Variants in POLR2H observed in about 807,000 individuals in gnomAD.
POLR2H encodes DNA-directed RNA polymerases I, II, and III subunit RPABC3.
POLR2H carries 3 observed loss-of-function variants against 18.1 expected under a neutral mutation model. That is an observed-to-expected ratio of 0.17 (90% CI 0.08 to 0.43). The LOEUF is 0.43. Among genes scored for constraint, POLR2H ranks in the 20% least tolerant of loss-of-function variants. The pLI is 0.99. For missense variants in POLR2H, 103 were observed against 184.6 expected, an observed-to-expected ratio of 0.56 and a Z score of 2.56; for synonymous variants, 76 against 69.0, an observed-to-expected ratio of 1.10 and a Z score of -0.50.
In POLR2H at chr3:184,362,166, C is replaced by A. The variant is rs1417649504; in HGVS notation, c.-621+20C>A. On this transcript the variant is annotated intron_variant, in intron 1 of 5. Transcript: ENST00000456318. The surrounding 1 kb of genome is among the most constrained non-coding windows in gnomAD (Gnocchi z 5.9). ...CCGTGGGTAGGTGCACTTGGAGCAA[C>A]CGGGCCTGCGGGGTGTGCGGGGGTG... 6.6e-6 allele frequency: 1 copy of A among 152,296 alleles called. No individual in the cohort carries two copies. The highest frequency in any genetic ancestry group is 2.4e-5 in the African/African-American group (1 of 41,460). 9.4% of individuals were successfully genotyped at this position (152,296 alleles called of 1,614,324 possible).
chr3:184,365,427 G>A (rs1414602921), intron 4 of POLR2H: 17 of 590,988 alleles, frequency 2.9e-5, no homozygotes, highest in Admixed American at 1.8e-4. Context: ...TTGGGAGGCC[G>A]AGGCAGGAGG....
At position 184,363,410 on chromosome 3, in the gene POLR2H, G is replaced by A. The variant is rs1395118152; in HGVS notation, c.-83G>A. On this transcript the variant is annotated 5_prime_UTR_variant, in exon 2 of 6. Coordinates refer to ENST00000456318, the MANE Select transcript of POLR2H (RefSeq NM_006232.5). Reference sequence around the variant, plus strand: ...CAGGAGGTGCTTTTGGTTCTCTCCGGTCTTGTCCACGCTAGGGGGTGCACG... The same window carrying A: ...CAGGAGGTGCTTTTGGTTCTCTCCGATCTTGTCCACGCTAGGGGGTGCACG... The A allele has an allele frequency of 8.5e-7, 1 of 1,177,546 alleles. No homozygotes were observed. The highest frequency in any genetic ancestry group is 1.9e-4 in the Middle Eastern group (1 of 5,246). The allele number at this position is 1,177,546 out of a possible 1,614,324, so 72.9% of individuals were successfully genotyped here.
chr3:184,366,381 A>G (rs1490015934), intron 4 of POLR2H: 1 of 149,994 alleles, frequency 6.7e-6, no homozygotes, highest in African/African-American at 2.7e-5. Flanking sequence ...TCTGTGGCCC[A>G]GGCTGGAGTG....
intron 4 of POLR2H, among the ~76,000 whole-genome samples, chr3:184,365,739 C>T (rs1183114960): frequency 3.3e-5 from 5 of 151,554 alleles, no homozygotes; most frequent in Non-Finnish European, 4.4e-5. Flanking sequence ...TTTGGGAGGC[C>T]GAGGCGGGCG....
intron 4 of POLR2H, 188 bp from the exon 5 acceptor site, chr3:184,366,529 G>A: frequency 2.5e-6 from 1 of 400,754 alleles, no homozygotes; most frequent in South Asian, 2.6e-5. Context: ...TAGTAGAGAT[G>A]GGGTTTCACT....
chr3:184,363,357 C>A lies in POLR2H; in HGVS notation c.-136C>A, dbSNP rs537110374. 2.8e-6 allele frequency: 2 copies of A among 722,934 alleles called. No homozygotes were observed. Among genetic ancestry groups the A allele is most frequent in the East Asian group, 2.7e-5 (1 of 37,462 alleles). 44.8% of individuals were successfully genotyped at this position (722,934 alleles called of 1,614,324 possible). On this transcript the variant is annotated 5_prime_UTR_variant, in exon 2 of 6. Coordinates refer to ENST00000456318, the MANE Select transcript of POLR2H (RefSeq NM_006232.5). ...GCGTTACCGCTTGTTTGTGCGCATGCGCCACTCTCGTCTGGCCGCCGCGCT... is the reference window on the plus strand; with the variant it reads ...GCGTTACCGCTTGTTTGTGCGCATGAGCCACTCTCGTCTGGCCGCCGCGCT...
rs1345086156 is a variant in POLR2H at position 184,368,365 on chromosome 3, C to T, written c.*71C>T. On this transcript the variant is annotated 3_prime_UTR_variant, in exon 6 of 6. Coordinates refer to ENST00000456318, the MANE Select transcript of POLR2H (RefSeq NM_006232.5). ...GCATTGTTCAAGCCTGAGTGGCAGC[C>T]GCTCTTGCTCACCTGTTGAGGAAGG... 1.5e-5 allele frequency: 20 copies of T among 1,296,956 alleles called. No individual in the cohort carries two copies. Among genetic ancestry groups the T allele is most frequent in the South Asian group, 1.0e-4 (7 of 67,406 alleles). The allele number at this position is 1,296,956 out of a possible 1,614,324, so 80.3% of individuals were successfully genotyped here. A position where few individuals can be genotyped will look rare whatever the true frequency, so the allele number is the denominator to read the frequency against.
intron 4 of POLR2H, among the ~76,000 whole-genome samples, chr3:184,366,044 G>C (rs1652471421): frequency 6.6e-6 from 1 of 151,998 alleles, no homozygotes; most frequent in East Asian, 1.9e-4. Flanking sequence ...TTACATGCTT[G>C]TGAGTTGCAG....
At chr3:184,366,626 C>A (rs1713347030) in intron 4 of POLR2H, 91 bp from the exon 5 acceptor site, 1 of 761,358 alleles carries the variant, frequency 1.3e-6, no homozygotes, top group Non-Finnish European at 2.3e-6. Flanking sequence ...GCTTGAGCCA[C>A]CACGCCCGGC....
At chr3:184,366,833 C>T (rs1174545428) in intron 5 of POLR2H, 33 bp downstream of exon 5, 1 of 1,273,708 alleles carries the variant, frequency 7.9e-7, no homozygotes. Context: ...GATTCTTTTC[C>T]TCTTCCATGT....
chr3:184,365,837 G>A (rs867493278), intron 4 of POLR2H, among the ~76,000 whole-genome samples: 1 of 150,436 alleles, frequency 6.6e-6, no homozygotes, highest in Non-Finnish European at 1.5e-5. Flanking sequence ...TTAGCCGGGC[G>A]TAGTGGCGGG....
At chr3:184,365,952 G>A (rs1474652455) in intron 4 of POLR2H, among the ~76,000 whole-genome samples, 2 of 149,164 alleles carry the variant, frequency 1.3e-5, no homozygotes, top group Non-Finnish European at 3.0e-5. Flanking sequence ...CTCCAGCCTG[G>A]GCGACAGAGC....
At chr3:184,366,867 T>C in intron 5 of POLR2H, 67 bp downstream of exon 5, 2 of 952,920 alleles carry the variant, frequency 2.1e-6, no homozygotes, top group Non-Finnish European at 3.4e-6. Flanking sequence ...GCTATGCTCC[T>C]GCTTCCTCTG....
intron 5 of POLR2H, among the ~76,000 whole-genome samples, chr3:184,367,492 CT>C (rs202193300): frequency 5.4e-4 from 77 of 142,982 alleles, no homozygotes; most frequent in Middle Eastern, 3.6e-3. Context: ...CTTTTCTTTT[CT>C]TTTTTTTTTT....
At chr3:184,364,485 C>A (rs1295066157) in intron 2 of POLR2H, 1 of 153,428 alleles carries the variant, frequency 6.5e-6, no homozygotes. Flanking sequence ...GCCTCGGCCT[C>A]CCAAAATGTC....
chr3:184,367,513 G>GTC (rs1246322593), intron 5 of POLR2H, among the ~76,000 whole-genome samples: 3 of 148,946 alleles, frequency 2.0e-5, no homozygotes, highest in Non-Finnish European at 4.4e-5. Flanking sequence ...TTGAGATGGA[G>GTC]TCTTGCTGTG....
intron 4 of POLR2H, among the ~76,000 whole-genome samples, chr3:184,366,185 T>C (rs778772734): frequency 5.9e-5 from 9 of 152,062 alleles, no homozygotes; most frequent in Middle Eastern, 3.2e-3. Flanking sequence ...CTACCACTTA[T>C]TTGTTGAGTA....
chr3:184,367,506 A>G (rs1713524653), intron 5 of POLR2H, among the ~76,000 whole-genome samples: 1 of 132,936 alleles, frequency 7.5e-6, no homozygotes, highest in South Asian at 2.3e-4. Context: ...TTTTTTTTTG[A>G]GATGGAGTCT....
chr3:184,363,506 T>C lies in POLR2H; in HGVS notation c.14T>C (p.Leu5Pro), dbSNP rs761750291. Reference protein sequence around the residue: MAGILFEDIFDVKDI... With the variant: MAGIPFEDIFDVKDI... ...GGCCCCCTCGCGATGGCGGGCATCCTGTTTGAGGATATTTTCGATGTGAAG... is the reference window on the plus strand; with the variant it reads ...GGCCCCCTCGCGATGGCGGGCATCCCGTTTGAGGATATTTTCGATGTGAAG... Residue 5 changes from leucine (L) to proline (P), a missense_variant, in exon 2 of 6, where the codon CTG (leucine) becomes CCG (proline). Physicochemically the swap from Leu to Pro is moderately conservative, Grantham distance 98. Transcript: ENST00000456318. The C allele has an allele frequency of 1.2e-6, 2 of 1,614,046 alleles. No individual in the cohort carries two copies. The highest frequency in any genetic ancestry group is 1.7e-6 in the Non-Finnish European group (2 of 1,179,944).
Sources: gnomAD v4.1 joint callset for allele counts (sites outside exome capture counted in the v4.1 genomes callset) on GRCh38, gnomAD v4.1.1 for gene constraint, Gnocchi (gnomAD v3.1) non-coding constraint, MANE v1.5 for transcripts, NCBI Gene and HGNC (gene_info 2026-07-23, HGNC 2026-07-21) for gene names.